SELENON: variants seen among roughly 807,000 people sequenced by gnomAD.
The protein encoded by SELENON is selenoprotein N, also known as selenoprotein N, 1.
A neutral mutation model predicts 59.5 loss-of-function variants in SELENON; 44 were observed. The ratio of observed to expected loss-of-function variants is 0.74; its 90% CI spans 0.58 to 0.95. The LOEUF (loss-of-function observed/expected upper bound fraction) is 0.95. Among genes scored for constraint, SELENON ranks in the 40% least tolerant of loss-of-function variants. The pLI, the probability that SELENON is intolerant of heterozygous loss-of-function variation, is 0.00. For missense variants in SELENON, 674 were observed against 721.4 expected (o/e 0.93, Z 0.75); for synonymous variants, 320 against 305.6 (o/e 1.05, Z -0.49).
intron 3 of SELENON, among the ~76,000 whole-genome samples, chr1:25,802,489 T>C (rs530093218): frequency 6.6e-6 from 1 of 152,306 alleles, no homozygotes; most frequent in South Asian, 2.1e-4. Flanking sequence ...TCCCAGGAGC[T>C]GGGATTACAG....
chr1:25,811,380 G>C, intron 7 of SELENON, 74 bp from the exon 7 acceptor site: 1 of 1,269,864 alleles, frequency 7.9e-7, no homozygotes, highest in African/African-American at 1.5e-5. Flanking sequence ...GACAGTTGCA[G>C]GTATTATGTG....
intron 2 of SELENON, among the ~76,000 whole-genome samples, chr1:25,801,441 G>T (rs1409492921): frequency 6.6e-6 from 1 of 152,130 alleles, no homozygotes; most frequent in East Asian, 1.9e-4. Flanking sequence ...TGGAAGGATC[G>T]CTTGAGCCCA....
At chr1:25,809,295 A>C in intron 6 of SELENON, 145 bp downstream of exon 5, 2 of 1,275,366 alleles carry the variant, frequency 1.6e-6, no homozygotes, top group Non-Finnish European at 2.2e-6. Context: ...TCTGAGCCTC[A>C]GTTTTCTCAC....
chr1:25,813,441 A>G (rs2047983750), intron 10 of SELENON: 1 of 342,302 alleles, frequency 2.9e-6, no homozygotes, highest in South Asian at 2.3e-5. Flanking sequence ...TGAGTGTTCT[A>G]CAGGGGACAG....
In SELENON at chr1:25,809,812, CA is replaced by C; in HGVS notation, c.1004del (p.Asn335ThrfsTer?). 1 of 1,613,664 alleles carries C rather than the reference CA, an allele frequency of 6.2e-7. No homozygotes were observed. The highest frequency in any genetic ancestry group is 8.5e-7 in the Non-Finnish European group (1 of 1,180,028). On this transcript the variant is annotated frameshift_variant, in exon 7 of 13. Coordinates refer to ENST00000361547, the MANE Select transcript of SELENON (RefSeq NM_020451.3). LOFTEE classifies it high-confidence loss of function. The stretch of plus-strand genomic sequence containing the variant: ...TCCGCGACTTCCGGCTCTTCGTGCC[CA>C]ACCACAGGTGGGAGCTTGACCCTGG...
At chr1:25,813,851 G>A (rs1450793785) in intron 10 of SELENON, 30 bp from the exon 10 acceptor site, 1 of 1,567,650 alleles carries the variant, frequency 6.4e-7, no homozygotes, top group South Asian at 1.1e-5. Context: ...AAGATGTGGG[G>A]GCGCCTCACC....
chr1:25,811,370 G>T, intron 7 of SELENON, 84 bp from the exon 7 acceptor site: 1 of 1,189,104 alleles, frequency 8.4e-7, no homozygotes, highest in Non-Finnish European at 1.3e-6. Context: ...GGAAAGTGGA[G>T]ACAGTTGCAG....
At chr1:25,814,456 G>A (rs747110062) in intron 12 of SELENON, among the ~76,000 whole-genome samples, 9 of 152,230 alleles carry the variant, frequency 5.9e-5, no homozygotes, top group Non-Finnish European at 1.2e-4. Flanking sequence ...CAGCCTGGAA[G>A]GGAAGGCTCA....
chr1:25,814,247 C>A (rs983324373), intron 12 of SELENON, 69 bp downstream of exon 11: 1 of 1,158,966 alleles, frequency 8.6e-7, no homozygotes, highest in Non-Finnish European at 1.3e-6. Context: ...CAGCAGGAGG[C>A]GTGGATGTGC....
intron 10 of SELENON, among the ~76,000 whole-genome samples, chr1:25,813,187 G>T (rs989252623): frequency 6.6e-6 from 1 of 152,218 alleles, no homozygotes; most frequent in Non-Finnish European, 1.5e-5. Context: ...CGGGCCAGAG[G>T]CTGGGCTTGT....
chr1:25,812,650 T>C (rs1387900530), intron 9 of SELENON, 37 bp from the exon 9 acceptor site: 1 of 1,560,730 alleles, frequency 6.4e-7, no homozygotes, highest in Non-Finnish European at 8.7e-7. Flanking sequence ...CCTGGCCGCT[T>C]TGATGATGGC....
Position 25,809,111 on chromosome 1 carries a change from T to C in SELENON, c.833T>C (p.Leu278Pro), listed in dbSNP as rs2047936168. 1 of 1,613,802 alleles carries C rather than the reference T, an allele frequency of 6.2e-7. No individual in the cohort carries two copies. The highest frequency in any genetic ancestry group is 8.5e-7 in the Non-Finnish European group (1 of 1,180,024). Reference sequence around the variant, plus strand: ...GCCCCTCAGGGAGCTGTGGCCTGCCTGACTGCCATCAGCGACTTCTACTAC... The same window carrying C: ...GCCCCTCAGGGAGCTGTGGCCTGCCCGACTGCCATCAGCGACTTCTACTAC... The change falls in exon 6 of 13, where the codon CTG becomes CCG. Residue 278 changes from leucine (L) to proline (P), a missense_variant. Physicochemically the swap from Leu to Pro is moderately conservative, Grantham distance 98. Coordinates refer to ENST00000361547, the MANE Select transcript of SELENON (RefSeq NM_020451.3).
In SELENON at chr1:25,805,221, A is replaced by G; in HGVS notation, c.483A>G (p.Arg161=). 6.2e-7 allele frequency: 1 copy of G among 1,614,190 alleles called. No individual in the cohort carries two copies. The highest frequency in any genetic ancestry group is 8.5e-7 in the Non-Finnish European group (1 of 1,180,026). The change falls in exon 4 of 13, where the codon CGA becomes CGG. Residue 161 remains arginine, a synonymous_variant. Transcript: ENST00000361547. ...AGGAGACGCTCACCATAGAAGCCCG[A>G]TTCCAGCCTCTGCTCCCGGAGACCA... is the stretch of plus-strand genomic sequence containing the variant.
intron 4 of SELENON, among the ~76,000 whole-genome samples, chr1:25,806,508 T>C (rs2047908595): frequency 6.6e-6 from 1 of 151,588 alleles, no homozygotes; most frequent in African/African-American, 2.4e-5. Flanking sequence ...TCATGGACAG[T>C]GGGTGGGCAG....
At position 25,807,204 on chromosome 1, in the gene SELENON, C is replaced by A. The variant is rs2047915173; in HGVS notation, c.538-1376C>A. 6.6e-6 allele frequency among the ~76,000 whole-genome samples: 1 copy of A among 152,094 alleles called. No individual in the cohort carries two copies. The highest frequency in any genetic ancestry group is 1.5e-5 in the Non-Finnish European group (1 of 68,038). Reference sequence around the variant, plus strand: ...GGGACAGAAATTCCAAGGAGGAGCTCACAGGGAAGGGCATTGCCCGTTTTG... The same window carrying A: ...GGGACAGAAATTCCAAGGAGGAGCTAACAGGGAAGGGCATTGCCCGTTTTG... On this transcript the variant is annotated intron_variant, in intron 4 of 12. Transcript: ENST00000361547. This position sits in a 1 kb window ranked among gnomAD's most constrained non-coding sequence, Gnocchi z 4.5.
intron 7 of SELENON, 113 bp downstream of exon 6, chr1:25,809,933 GC>G: frequency 1.5e-6 from 2 of 1,372,934 alleles, no homozygotes; most frequent in Non-Finnish European, 2.1e-6. Context: ...GCTCCCCAGA[GC>G]CCATCTCATG....
Position 25,814,143 on chromosome 1 carries a change from G to C in SELENON, c.1567G>C (p.Val523Leu). 6.2e-7 allele frequency: 1 copy of C among 1,614,162 alleles called. No individual in the cohort carries two copies. The highest frequency in any genetic ancestry group is 1.3e-5 in the African/African-American group (1 of 75,056). Reference sequence around the variant, plus strand: ...GCACCTGGAGAAGTACAGCTTCCCCGTGGAGATGATGATCTGCCTGCCCAA... The same window carrying C: ...GCACCTGGAGAAGTACAGCTTCCCCCTGGAGATGATGATCTGCCTGCCCAA... The change falls in exon 12 of 13, where the codon GTG becomes CTG. Residue 523 changes from valine to leucine, a missense_variant. Physicochemically the swap from Val to Leu is conservative, Grantham distance 32. Coordinates refer to ENST00000361547, the MANE Select transcript of SELENON (RefSeq NM_020451.3).
chr1:25,803,717 T>TG (rs1437843473), intron 3 of SELENON, among the ~76,000 whole-genome samples: 8 of 140,342 alleles, frequency 5.7e-5, no homozygotes, highest in Non-Finnish European at 9.2e-5. Context: ...TGTTTTTTTG[T>TG]TTTTTTTTTT....
Position 25,808,668 on chromosome 1 carries a change from T to C in SELENON, c.626T>C (p.Phe209Ser), listed in dbSNP as rs773176523. 2 of 1,614,010 alleles carry C rather than the reference T, an allele frequency of 1.2e-6. No homozygotes were observed. The highest frequency in any genetic ancestry group is 1.7e-6 in the Non-Finnish European group (2 of 1,179,952). Residue 209 changes from phenylalanine (F) to serine (S), a missense_variant, in exon 5 of 13, where the codon TTC becomes TCC. Transcript: ENST00000361547. Reference sequence around the variant, plus strand: ...TTTGCCACCCGCCACTTCCAGCCCTTCCTTCCCCCGCCAGGCCAGGAGCTG... The same window carrying C: ...TTTGCCACCCGCCACTTCCAGCCCTCCCTTCCCCCGCCAGGCCAGGAGCTG...
Sources: allele counts gnomAD v4.1 joint callset (sites outside exome capture counted in the v4.1 genomes callset), GRCh38; gene constraint gnomAD v4.1.1; non-coding constraint Gnocchi (gnomAD v3.1); transcripts MANE v1.5; gene names NCBI Gene and HGNC (gene_info 2026-07-23, HGNC 2026-07-21).